Variants in RBM12 observed in about 807,000 individuals in gnomAD.
RBM12 encodes the protein RNA-binding protein 12.
Under a neutral mutation model 37.2 loss-of-function variants are expected in RBM12, and 24 were observed. The observed-to-expected ratio is 0.65, with a 90% CI of 0.47 to 0.91. The LOEUF (loss-of-function observed/expected upper bound fraction) is 0.91, where lower values mean the gene tolerates loss of function less well. Among genes scored for constraint, RBM12 ranks in the 40% least tolerant of loss-of-function variants. RBM12 has a pLI of 0.00. For missense variants in RBM12, 1,061 were observed against 1,183.2 expected (o/e 0.90, Z 1.52); for synonymous variants, 420 against 425.2 (o/e 0.99, Z 0.15).
intron 2 of RBM12, 126 bp downstream of exon 2, chr20:35,658,803 AC>A (rs1263599608): frequency 3.5e-3 from 82 of 23,230 alleles, no homozygotes; most frequent in East Asian, 7.0e-3. Context: ...GCAAACAAAA[AC>A]ACACACACAC....
At chr20:35,658,889 T>C in intron 2 of RBM12, 41 bp downstream of exon 2, 1 of 710,920 alleles carries the variant, frequency 1.4e-6, no homozygotes, top group Non-Finnish European at 2.6e-6. Context: ...TATCTCATTT[T>C]ATTTTGTATA....
At position 35,663,600 on chromosome 20, in the gene RBM12, G is replaced by A. The variant is rs535758072; in HGVS notation, c.-108+1160C>T. On this transcript the variant is annotated intron_variant, in intron 1 of 2. Transcript: ENST00000374114. ...CTCTGAGAATCCTGGAGCCAAGGAG[G>A]GTTTTAGGGCCCAGAAATCTCTTAA... is the stretch of plus-strand genomic sequence containing the variant. 4.6e-5 allele frequency among the ~76,000 whole-genome samples: 7 copies of A among 152,198 alleles called. No individual in the cohort carries two copies. The East Asian group carries it at 1.4e-3, about 29-fold the overall frequency.
chr20:35,659,038 C>G (rs2034076722), intron 1 of RBM12, 24 bp from the exon 2 acceptor site: 1 of 707,770 alleles, frequency 1.4e-6, no homozygotes, highest in African/African-American at 1.8e-5. Flanking sequence ...TAAACGGAGG[C>G]AAAAATCAAT....
At chr20:35,661,211 A>G (rs552884273) in intron 1 of RBM12, among the ~76,000 whole-genome samples, 1 of 152,374 alleles carries the variant, frequency 6.6e-6, no homozygotes, top group Non-Finnish European at 1.5e-5. Context: ...AGGGAAAGGT[A>G]AATGGAAATA....
rs2033534566 is a variant in RBM12, at chr20:35,651,723, A to T, written c.*801T>A. ...CATCCAAACAACATGAACAATTTTT[A>T]AACTGACTAACCTAAATCGTGGCGG... is the stretch of plus-strand genomic sequence containing the variant. On this transcript the variant is annotated 3_prime_UTR_variant, in exon 3 of 3. Transcript: ENST00000374114. 1 of 152,652 alleles carries T rather than the reference A, an allele frequency of 6.6e-6. No homozygotes were observed. The highest frequency in any genetic ancestry group is 2.1e-4 in the South Asian group (1 of 4,834). The allele number at this position is 152,652 out of a possible 1,614,324, so 9.5% of individuals were successfully genotyped here. A position where few individuals can be genotyped will look rare whatever the true frequency, so the allele number is the denominator to read the frequency against.
At position 35,664,799 on chromosome 20, in the gene RBM12, T is replaced by C. The variant is rs781239187; in HGVS notation, c.-147A>G. The C allele has an allele frequency of 6.6e-6, 1 of 152,358 alleles. No individual in the cohort carries two copies. The highest frequency in any genetic ancestry group is 1.5e-5 in the Non-Finnish European group (1 of 68,180). 9.4% of individuals were successfully genotyped at this position (152,358 alleles called of 1,614,324 possible). A position where few individuals can be genotyped will look rare whatever the true frequency, so the allele number is the denominator to read the frequency against. ...CGGCACCAGAACCCAGACCCCGAAT[T>C]ACCCCCCGCGCGAGTGCCTCCGCCC... On this transcript the variant is annotated 5_prime_UTR_variant, in exon 1 of 3. Transcript: ENST00000374114.
chr20:35,654,877 G>A lies in RBM12; in HGVS notation c.446C>T (p.Thr149Ile). The A allele has an allele frequency of 6.2e-7, 1 of 1,614,158 alleles. No homozygotes were observed. Among genetic ancestry groups the A allele is most frequent in the Non-Finnish European group, 8.5e-7 (1 of 1,179,968 alleles). Residue 149 changes from threonine (T) to isoleucine (I), a missense_variant, in exon 3 of 3, where the codon ACA becomes ATA. Physicochemically the swap from Thr to Ile is moderately conservative, Grantham distance 89. Coordinates refer to ENST00000374114, the MANE Select transcript of RBM12 (RefSeq NM_006047.6). ...SVHESNKNIQ[T>I]FSTASVGTAP... The stretch of plus-strand genomic sequence containing the variant: ...TGTTCCTACGCTGGCTGTGGAAAAT[G>A]TCTGTATGTTTTTGTTGCTTTCATG...
intron 1 of RBM12, among the ~76,000 whole-genome samples, 191 bp from the exon 2 acceptor site, chr20:35,659,205 T>G (rs1314384069): frequency 1.3e-5 from 2 of 152,100 alleles, no homozygotes; most frequent in East Asian, 3.9e-4. Flanking sequence ...TGGTATTGCT[T>G]TCAAATTTGA....
In RBM12 at chr20:35,653,732, T is replaced by C. The variant is rs1180580510; in HGVS notation, c.1591A>G (p.Met531Val). 4 of 1,614,102 alleles carry C rather than the reference T, an allele frequency of 2.5e-6. No homozygotes were observed. The highest frequency in any genetic ancestry group is 3.4e-6 in the Non-Finnish European group (4 of 1,180,048). The change falls in exon 3 of 3, where the codon ATG (methionine) becomes GTG (valine). Residue 531 changes from methionine to valine, a missense_variant. Met to Val is a conservative substitution (Grantham distance 21). This residue lies in a region of RBM12 where 517 missense variants were observed against 534.0 expected (regional missense o/e 0.97). Transcript: ENST00000374114. ...LQNFSYDQRE[M>V]ILNPEGDVNS... ...ACATCCCCCTCTGGATTTAGTATCATTTCCCTCTGGTCATAGCTGAAGTTC... is the reference window on the plus strand; with the variant it reads ...ACATCCCCCTCTGGATTTAGTATCACTTCCCTCTGGTCATAGCTGAAGTTC...
In RBM12 at chr20:35,653,704, T is replaced by A; in HGVS notation, c.1619A>T (p.Asn540Ile). 2 of 1,614,180 alleles carry A rather than the reference T, an allele frequency of 1.2e-6. No homozygotes were observed. The highest frequency in any genetic ancestry group is 1.7e-6 in the Non-Finnish European group (2 of 1,180,024). The change falls in exon 3 of 3, where the codon AAC (asparagine) becomes ATC (isoleucine). Residue 540 changes from asparagine (N) to isoleucine (I), a missense_variant. Around this residue, in one of 3 missense-constraint regions of RBM12, gnomAD observed 517 missense variants for 534.0 expected, o/e 0.97. Transcript: ENST00000374114. The stretch of plus-strand genomic sequence containing the variant: ...TATGTGGGCACAGACTTTGGCAGAG[T>A]TGACATCCCCCTCTGGATTTAGTAT... ...EMILNPEGDV[N>I]SAKVCAHITN...
chr20:35,657,847 G>A (rs140995225), intron 2 of RBM12, among the ~76,000 whole-genome samples: 3,347 of 152,146 alleles, frequency 0.022, 125 homozygotes, highest in African/African-American at 0.077. Flanking sequence ...GATCACCCGA[G>A]GTCAGGAGTT....
intron 1 of RBM12, among the ~76,000 whole-genome samples, chr20:35,660,939 GGTTAC>G (rs1295574860): frequency 1.7e-4 from 26 of 152,124 alleles, no homozygotes; most frequent in Admixed American, 1.7e-3. Flanking sequence ...ATTTCTAAAA[GGTTAC>G]CAGAAATTAC....
intron 2 of RBM12, among the ~76,000 whole-genome samples, chr20:35,655,736 A>T (rs1191307584): frequency 6.6e-6 from 1 of 152,168 alleles, no homozygotes; most frequent in African/African-American, 2.4e-5. Flanking sequence ...AAGAATATAT[A>T]GAAGTTAGTA....
In RBM12 at chr20:35,652,355, G is replaced by A; in HGVS notation, c.*169C>T. The A allele has an allele frequency of 2.8e-6, 2 of 713,368 alleles. No individual in the cohort carries two copies. The highest frequency in any genetic ancestry group is 4.5e-6 in the Non-Finnish European group (2 of 440,590). 44.2% of individuals were successfully genotyped at this position (713,368 alleles called of 1,614,324 possible). On this transcript the variant is annotated 3_prime_UTR_variant, in exon 3 of 3. Coordinates refer to ENST00000374114, the MANE Select transcript of RBM12 (RefSeq NM_006047.6). ...TGTAACATACAGCAATGTTTATCCT[G>A]GTGAGTGAGTCTTCTGTAAACAGTC...
intron 1 of RBM12, among the ~76,000 whole-genome samples, chr20:35,662,864 T>C (rs1323746810): frequency 1.3e-5 from 2 of 152,216 alleles, no homozygotes; most frequent in Non-Finnish European, 2.9e-5. Context: ...TAACAATACG[T>C]TGCAAGTAAC....
intron 2 of RBM12, among the ~76,000 whole-genome samples, chr20:35,657,465 T>TGAGA (rs553443083): frequency 6.6e-6 from 1 of 151,056 alleles, no homozygotes; most frequent in Non-Finnish European, 1.5e-5. Context: ...CAAAACAACT[T>TGAGA]GAGAGAGAGA....
rs1231337287 is a variant in RBM12 at position 35,653,398 on chromosome 20, G to A, written c.1925C>T (p.Pro642Leu). Reference protein sequence around the residue: ...PAQGKKGLKMPVPGNPAVPGM... With the variant: ...PAQGKKGLKMLVPGNPAVPGM... ...TGGAACTGCAGGATTACCTGGCACA[G>A]GCATCTTTAATCCCTTTTTTCCTTG... The change falls in exon 3 of 3, where the codon CCT becomes CTT. Residue 642 changes from proline to leucine, a missense_variant. Pro to Leu is a moderately conservative substitution (Grantham distance 98). This residue lies in a region of RBM12 where 517 missense variants were observed against 534.0 expected (regional missense o/e 0.97). Transcript: ENST00000374114. 1.2e-6 allele frequency: 2 copies of A among 1,614,144 alleles called. No individual in the cohort carries two copies. Among genetic ancestry groups the A allele is most frequent in the South Asian group, 2.2e-5 (2 of 91,084 alleles).
In RBM12 at chr20:35,654,525, C is replaced by A. The variant is rs1244152090; in HGVS notation, c.798G>T (p.Met266Ile). ...TAGGATTCAGATTATTGTTCAAATT[C>A]ATAGGTGCTCCAGAGCCATTCATTC... ...PAGMNGSGAP[M>I]NLNNNLNPMF... The change falls in exon 3 of 3, where the codon ATG becomes ATT. Residue 266 changes from methionine (M) to isoleucine (I), a missense_variant. This residue lies in a region of RBM12 where 540 missense variants were observed against 632.7 expected (regional missense o/e 0.85). Transcript: ENST00000374114. The A allele has an allele frequency of 2.5e-6, 4 of 1,614,198 alleles. No individual in the cohort carries two copies. Among genetic ancestry groups the A allele is most frequent in the Non-Finnish European group, 3.4e-6 (4 of 1,180,046 alleles).
At position 35,659,020 on chromosome 20, in the gene RBM12, A is replaced by G; in HGVS notation, c.-107-6T>C. ...AATTAAAACCAACTTTTAGACTGCA[A>G]TAGAGAATAAACGGAGGCAAAAATC... On this transcript the variant is annotated splice_region_variant and splice_polypyrimidine_tract_variant and intron_variant, in intron 1 of 2. Coordinates refer to ENST00000374114, the MANE Select transcript of RBM12 (RefSeq NM_006047.6). 1.4e-6 allele frequency: 1 copy of G among 717,074 alleles called. No individual in the cohort carries two copies. Among genetic ancestry groups the G allele is most frequent in the Non-Finnish European group, 2.6e-6 (1 of 384,956 alleles). The allele number at this position is 717,074 out of a possible 1,614,324, so 44.4% of individuals were successfully genotyped here.
Sources: allele counts gnomAD v4.1 joint callset (sites outside exome capture counted in the v4.1 genomes callset), GRCh38; gene constraint gnomAD v4.1.1; regional missense constraint gnomAD v4.1.1; transcripts MANE v1.5; gene names NCBI Gene and HGNC (gene_info 2026-07-23, HGNC 2026-07-21).